The following TRIP12 variants were observed in gnomAD, a reference collection of about 807,000 sequenced individuals.
TRIP12 encodes the protein E3 ubiquitin-protein ligase TRIP12.
TRIP12 carries 25 observed loss-of-function variants against 244.2 expected under a neutral mutation model. That is an observed-to-expected ratio of 0.10 (90% CI 0.07 to 0.14). The LOEUF is 0.14. TRIP12 is among the 10% of genes least tolerant of loss of function. TRIP12 has a pLI of 1.00. For missense variants in TRIP12, 1,677 were observed against 2,486.4 expected (o/e 0.67, Z 6.92); for synonymous variants, 905 against 873.1 (o/e 1.04, Z -0.64).
chr2:229,792,855 C>T, intron 27 of TRIP12, 118 bp downstream of exon 27: 1 of 1,082,860 alleles, frequency 9.2e-7, no homozygotes, highest in Non-Finnish European at 1.3e-6. Context: ...ATATAAGTTC[C>T]TGCCATCTAT....
intron 37 of TRIP12, among the ~76,000 whole-genome samples, chr2:229,776,273 CTTTT>C (rs921650635): frequency 8.6e-5 from 13 of 151,994 alleles, no homozygotes; most frequent in African/African-American, 1.2e-4. Context: ...TTTGTTTCTC[CTTTT>C]TTTGTTTTTC....
At chr2:229,768,591 T>G (rs778924242) in intron 41 of TRIP12, 25 bp downstream of exon 41, 1 of 1,603,536 alleles carries the variant, frequency 6.2e-7, no homozygotes, top group East Asian at 2.2e-5. Flanking sequence ...GTAGAATAAA[T>G]GCTAAACATC....
At chr2:229,835,156 T>A (rs2054482481) in intron 6 of TRIP12, among the ~76,000 whole-genome samples, 2 of 152,234 alleles carry the variant, frequency 1.3e-5, no homozygotes, top group Non-Finnish European at 2.9e-5. Context: ...GAAATTCCTA[T>A]AATTCATAAG....
rs181782262 is a variant in TRIP12 at position 229,786,669 on chromosome 2, G to A, written c.4996-814C>T. The stretch of plus-strand genomic sequence containing the variant: ...CCTGACCTCATGATCCGCCCGCCTC[G>A]GCCTCCCAAAGTGCTGGGATTACAG... On this transcript the variant is annotated intron_variant, in intron 33 of 41. Coordinates refer to ENST00000675903, the MANE Select transcript of TRIP12 (RefSeq NM_001348323.3). Among the ~76,000 whole-genome samples the A allele has an allele frequency of 3.0e-3, 442 of 146,254 alleles. 2 individuals carry two copies. The highest frequency in any genetic ancestry group is 0.011 in the African/African-American group (422 of 39,528).
intron 4 of TRIP12, among the ~76,000 whole-genome samples, chr2:229,855,137 C>T (rs190511188): frequency 1.6e-4 from 25 of 152,152 alleles, no homozygotes; most frequent in Admixed American, 1.4e-3. Context: ...CATGGTGGCG[C>T]GTGCCTATAA....
chr2:229,805,222 A>AAACAACAACAACAACAACAAC (rs1297499840), intron 18 of TRIP12, among the ~76,000 whole-genome samples: 23,128 of 149,294 alleles, frequency 0.15, 2,048 homozygotes, highest in Middle Eastern at 0.23. Flanking sequence ...GCCCTTTTCA[A>AAACAACAACAACAACAACAAC]AACAACAACA....
chr2:229,812,187 A>AT (rs1313343171), intron 13 of TRIP12, among the ~76,000 whole-genome samples: 1 of 151,886 alleles, frequency 6.6e-6, no homozygotes, highest in African/African-American at 2.4e-5. Context: ...GCCTCCCGAG[A>AT]TCAAGCGATC....
chr2:229,889,185 A>C (rs1015949438), intron 1 of TRIP12, among the ~76,000 whole-genome samples: 1 of 152,246 alleles, frequency 6.6e-6, no homozygotes, highest in Non-Finnish European at 1.5e-5. Flanking sequence ...TGACAACTCC[A>C]AGTAAGGAAG....
chr2:229,772,701 A>G (rs1198237180), intron 38 of TRIP12, among the ~76,000 whole-genome samples: 3 of 152,038 alleles, frequency 2.0e-5, no homozygotes, highest in Non-Finnish European at 4.4e-5. Context: ...TGACCTCGTG[A>G]TCCGCCCGCC....
chr2:229,819,885 T>C (rs2049573368), intron 8 of TRIP12, among the ~76,000 whole-genome samples: 1 of 152,218 alleles, frequency 6.6e-6, no homozygotes. Flanking sequence ...CACATAGCAA[T>C]CAATGGAAGT....
upstream of TRIP12, chr2:229,922,490 T>C: frequency 6.2e-7 from 1 of 1,613,686 alleles, no homozygotes; most frequent in Non-Finnish European, 8.5e-7. Flanking sequence ...CTGGTTGTCT[T>C]AGCGACGGCG....
At chr2:229,817,421 C>T (rs556816754) in intron 9 of TRIP12, among the ~76,000 whole-genome samples, 12 of 152,048 alleles carry the variant, frequency 7.9e-5, no homozygotes, top group Admixed American at 3.3e-4. Flanking sequence ...TATTTAAATG[C>T]TGTATTGTGC....
chr2:229,815,257 T>A lies in TRIP12; in HGVS notation c.1635+16A>T. 1 of 1,506,594 alleles carries A rather than the reference T, an allele frequency of 6.6e-7. No individual in the cohort carries two copies. Among genetic ancestry groups the A allele is most frequent in the Non-Finnish European group, 9.2e-7 (1 of 1,089,256 alleles). 93.3% of individuals were successfully genotyped at this position (1,506,594 alleles called of 1,614,324 possible). ...ACTTAAATATACACCATTAAAAAAA[T>A]ACAATATATACTTACAATATCAAAA... is the stretch of plus-strand genomic sequence containing the variant. On this transcript the variant is annotated intron_variant, in intron 10 of 41. Coordinates refer to ENST00000675903, the MANE Select transcript of TRIP12 (RefSeq NM_001348323.3).
At chr2:229,797,203 C>T (rs1238321262) in intron 24 of TRIP12, among the ~76,000 whole-genome samples, 1 of 151,978 alleles carries the variant, frequency 6.6e-6, no homozygotes. Flanking sequence ...ACTACCAAAA[C>T]TGCTCAAGGT....
At chr2:229,830,622 A>AT (rs895789044) in intron 7 of TRIP12, 134 bp downstream of exon 7, 215 of 659,424 alleles carry the variant, frequency 3.3e-4, no homozygotes, top group Middle Eastern at 2.5e-3. Flanking sequence ...GCTACTAAAA[A>AT]TTTTTTTTTC....
At chr2:229,886,173 G>C (rs1057078466) in intron 1 of TRIP12, among the ~76,000 whole-genome samples, 1 of 152,114 alleles carries the variant, frequency 6.6e-6, no homozygotes, top group Non-Finnish European at 1.5e-5. Flanking sequence ...TGGTATATTC[G>C]TAAGTCAAAT....
intron 23 of TRIP12, 76 bp downstream of exon 23, chr2:229,798,799 A>T: frequency 6.6e-7 from 1 of 1,505,768 alleles, no homozygotes; most frequent in Non-Finnish European, 9.1e-7. Context: ...TCCACACAAT[A>T]AACGTACTGG....
intron 39 of TRIP12, 76 bp from the exon 40 acceptor site, chr2:229,769,401 G>T: frequency 7.4e-7 from 1 of 1,357,676 alleles, no homozygotes. Context: ...AGGTCTACGT[G>T]TACCATAAAA....
intron 39 of TRIP12, among the ~76,000 whole-genome samples, chr2:229,770,643 G>A (rs746559214): frequency 2.0e-5 from 3 of 152,100 alleles, no homozygotes; most frequent in Non-Finnish European, 4.4e-5. Context: ...AATTAAAGAC[G>A]GTAATATGGT....
Sources: allele counts gnomAD v4.1 joint callset (sites outside exome capture counted in the v4.1 genomes callset), GRCh38; gene constraint gnomAD v4.1.1; transcripts MANE v1.5; gene names NCBI Gene and HGNC (gene_info 2026-07-23, HGNC 2026-07-21).